Variants in KHDC1 observed in about 807,000 individuals in gnomAD.
KHDC1 encodes KH homology domain-containing protein 1.
In KHDC1, 21 loss-of-function variants were observed where a neutral mutation model predicts 24.7. That is an observed-to-expected ratio of 0.85 (90% confidence interval 0.60 to 1.23). The LOEUF (loss-of-function observed/expected upper bound fraction) is 1.23, where lower values mean the gene tolerates loss of function less well. Among genes scored for constraint, KHDC1 ranks in the 50% most tolerant of loss-of-function variants. The pLI is 0.00. For synonymous variants in KHDC1, 98 were observed against 111.7 expected (o/e 0.88, Z 0.77); for missense variants, 274 against 298.5 (o/e 0.92, Z 0.61).
intron 2 of KHDC1, among the ~76,000 whole-genome samples, chr6:73,272,517 C>A (rs926500755): frequency 1.3e-5 from 2 of 151,972 alleles, no homozygotes; most frequent in African/African-American, 4.8e-5. Context: ...GGCTCACACC[C>A]GTAATCCCAG....
chr6:73,309,480 G>A lies in KHDC1; in HGVS notation c.163+72C>T, dbSNP rs1768038319. On this transcript the variant is annotated intron_variant, in intron 1 of 4. Coordinates refer to ENST00000370384, the Ensembl canonical transcript of KHDC1. ...GCTGGAGTGATCCTGAAAGATCCCG[G>A]AAGCGAAACTCGCCTTTCCGGGCAC... is the stretch of plus-strand genomic sequence containing the variant. 2.1e-6 allele frequency: 3 copies of A among 1,415,328 alleles called. No homozygotes were observed. The South Asian group carries it at 4.5e-5, about 21-fold the overall frequency. 87.7% of individuals were successfully genotyped at this position (1,415,328 alleles called of 1,614,324 possible). A position where few individuals can be genotyped will look rare whatever the true frequency, so the allele number is the denominator to read the frequency against.
chr6:73,296,665 C>G (rs1196474883), intron 1 of KHDC1, among the ~76,000 whole-genome samples: 1 of 152,094 alleles, frequency 6.6e-6, no homozygotes, highest in Admixed American at 6.5e-5. Context: ...ATGTAACATT[C>G]AGATAGTTCT....
chr6:73,257,006 T>G lies in KHDC1; in HGVS notation c.207-14476A>C, dbSNP rs534266241. 2.0e-5 allele frequency among the ~76,000 whole-genome samples: 3 copies of G among 152,186 alleles called. 1 individual carries two copies. Among genetic ancestry groups the G allele is most frequent in the Non-Finnish European group, 4.4e-5 (3 of 68,024 alleles). On this transcript the variant is annotated intron_variant, in intron 2 of 4. Coordinates refer to ENST00000370384, the Ensembl canonical transcript of KHDC1. ...TCTGACTAATATATATTAAAAGGCA[T>G]GGCCAGTGGGGCACGGTGGCTCAAA...
chr6:73,272,908 G>GAGTGCAA (rs1767209446), intron 2 of KHDC1, among the ~76,000 whole-genome samples: 1 of 147,626 alleles, frequency 6.8e-6, no homozygotes, highest in Non-Finnish European at 1.5e-5. Flanking sequence ...ACCCAGGCTG[G>GAGTGCAA]AGTGCAATGG....
At chr6:73,262,876 G>T in intron 2 of KHDC1, 1 of 986,322 alleles carries the variant, frequency 1.0e-6, no homozygotes, top group South Asian at 4.6e-5. Flanking sequence ...ATTCAGGACT[G>T]AGCATCTCAG....
At chr6:73,284,565 T>A (rs1767482781) in intron 2 of KHDC1, 3 of 152,124 alleles carry the variant, frequency 2.0e-5, no homozygotes. Flanking sequence ...CTTAAACTCC[T>A]GTCTCTCTGC....
intron 1 of KHDC1, among the ~76,000 whole-genome samples, chr6:73,303,683 A>G (rs1157928173): frequency 6.6e-6 from 1 of 152,216 alleles, no homozygotes; most frequent in East Asian, 1.9e-4. Context: ...CCAAACTGAG[A>G]TGCATTCTAG....
intron 2 of KHDC1, among the ~76,000 whole-genome samples, chr6:73,251,804 T>C (rs1310531339): frequency 2.6e-5 from 4 of 151,572 alleles, no homozygotes; most frequent in East Asian, 3.9e-4. Flanking sequence ...CTTTTCTTTT[T>C]TTTTTTTTAA....
At chr6:73,259,409 G>A (rs1167919097) in intron 2 of KHDC1, among the ~76,000 whole-genome samples, 1 of 147,744 alleles carries the variant, frequency 6.8e-6, no homozygotes, top group Non-Finnish European at 1.5e-5. Context: ...CCATCCTCCT[G>A]CCCTAGCTTC....
At chr6:73,299,879 G>A (rs1425031464) in intron 1 of KHDC1, 1 of 152,394 alleles carries the variant, frequency 6.6e-6, no homozygotes, top group Non-Finnish European at 1.5e-5. Context: ...GGGTAAGGAG[G>A]GGATTCTTTT....
chr6:73,258,849 C>T (rs1766927470), intron 2 of KHDC1, among the ~76,000 whole-genome samples: 1 of 152,198 alleles, frequency 6.6e-6, no homozygotes. Flanking sequence ...GAGCCTTCTG[C>T]CTTTCCCTAA....
chr6:73,279,547 T>G (rs531118924), intron 2 of KHDC1, among the ~76,000 whole-genome samples: 3 of 152,094 alleles, frequency 2.0e-5, no homozygotes, highest in African/African-American at 7.2e-5. Context: ...TTTTCTCCAT[T>G]TGCCTCAATG....
At chr6:73,309,484 C>G (rs1768038369) in intron 1 of KHDC1, 1 of 1,429,884 alleles carries the variant, frequency 7.0e-7, no homozygotes, top group Non-Finnish European at 9.3e-7. Flanking sequence ...ATCCCGGAAG[C>G]GAAACTCGCC....
At chr6:73,266,577 C>G (rs1364259944) in intron 2 of KHDC1, among the ~76,000 whole-genome samples, 2 of 152,108 alleles carry the variant, frequency 1.3e-5, no homozygotes, top group South Asian at 2.1e-4. Context: ...TACCCACATA[C>G]AAAAGAATGT....
intron 2 of KHDC1, among the ~76,000 whole-genome samples, chr6:73,261,024 G>A (rs1766970893): frequency 6.6e-6 from 1 of 152,020 alleles, no homozygotes. Context: ...AAACATTTTA[G>A]CCCATAATCT....
chr6:73,268,653 C>T (rs887393352), intron 2 of KHDC1: 1 of 152,308 alleles, frequency 6.6e-6, no homozygotes, highest in Non-Finnish European at 1.5e-5. Flanking sequence ...CAAAGGTTCT[C>T]CAAGGCCCCA....
chr6:73,246,961 A>T lies in KHDC1; in HGVS notation c.207-4431T>A, dbSNP rs1766678790. On this transcript the variant is annotated intron_variant, in intron 2 of 4. Coordinates refer to ENST00000370384, the Ensembl canonical transcript of KHDC1. ...ATTGGGCTTGAATTTTAGAAAAAAA[A>T]AAATAAGTCAACTTTTTTTTTTCTG... Among the ~76,000 whole-genome samples the T allele has an allele frequency of 2.0e-5, 3 of 152,070 alleles. No homozygotes were observed. The South Asian group carries it at 6.2e-4, about 32-fold the overall frequency.
rs555826826 is a variant in KHDC1, at chr6:73,291,902, C to A, written c.206+96G>T. Reference sequence around the variant, plus strand: ...TTCATGTAACAAGCCTGCACATGCACCTCCTGAATCTATTTTTAAAAATTT... The same window carrying A: ...TTCATGTAACAAGCCTGCACATGCAACTCCTGAATCTATTTTTAAAAATTT... On this transcript the variant is annotated intron_variant, in intron 2 of 4. Transcript: ENST00000370384. 1.6e-5 allele frequency: 21 copies of A among 1,351,972 alleles called. No individual in the cohort carries two copies. The African/African-American group carries it at 2.8e-4, about 18-fold the overall frequency. The allele number at this position is 1,351,972 out of a possible 1,614,324, so 83.7% of individuals were successfully genotyped here. A position where few individuals can be genotyped will look rare whatever the true frequency, so the allele number is the denominator to read the frequency against.
At chr6:73,253,869 G>A (rs185229320) in intron 2 of KHDC1, among the ~76,000 whole-genome samples, 10 of 152,184 alleles carry the variant, frequency 6.6e-5, no homozygotes, top group East Asian at 5.8e-4. Context: ...ATCATACACC[G>A]CACTCCAGCT....
Sources: allele counts gnomAD v4.1 joint callset (sites outside exome capture counted in the v4.1 genomes callset), GRCh38; gene constraint gnomAD v4.1.1; transcripts MANE v1.5; gene names NCBI Gene and HGNC (gene_info 2026-07-23, HGNC 2026-07-21).